PTPN13: variants seen among roughly 807,000 people sequenced by gnomAD.
PTPN13 encodes protein tyrosine phosphatase non-receptor type 13.
In PTPN13, 191 loss-of-function variants were observed where a neutral mutation model predicts 284.0. The ratio of observed to expected loss-of-function variants is 0.67; its 90% CI spans 0.60 to 0.76. PTPN13 has a LOEUF of 0.76. Ranked by LOEUF, PTPN13 falls within the 30% of genes least tolerant of loss-of-function variation. The probability of loss-of-function intolerance (pLI) is 0.00; values close to 1 mark genes in which losing one functional copy is unlikely to be tolerated. For missense variants in PTPN13, 2,797 were observed against 2,939.9 expected (o/e 0.95, Z 1.12); for synonymous variants, 986 against 1,022.3 (o/e 0.96, Z 0.68).
intron 47 of PTPN13, among the ~76,000 whole-genome samples, chr4:86,812,297 G>A (rs969770520): frequency 1.3e-4 from 15 of 118,048 alleles, no homozygotes; most frequent in African/African-American, 3.5e-4. Flanking sequence ...GCGACAGAGC[G>A]AGACTCCGTC....
intron 3 of PTPN13, 42 bp from the exon 4 acceptor site, chr4:86,686,668 G>T: frequency 7.7e-7 from 1 of 1,290,398 alleles, no homozygotes; most frequent in Non-Finnish European, 1.1e-6. Flanking sequence ...ATTTTCTATT[G>T]TATTTTATCA....
intron 1 of PTPN13, among the ~76,000 whole-genome samples, chr4:86,634,503 C>CA (rs1050817027): frequency 3.0e-4 from 45 of 152,262 alleles, no homozygotes; most frequent in African/African-American, 1.0e-3. Context: ...TCAGCACAGA[C>CA]ACTTATCTGA....
At chr4:86,689,779 G>A (rs1729837355) in intron 5 of PTPN13, 1 of 701,676 alleles carries the variant, frequency 1.4e-6, no homozygotes, top group Admixed American at 2.0e-5. Context: ...AATAACCAAT[G>A]CTATATATTA....
At chr4:86,780,515 G>T in intron 36 of PTPN13, 43 bp downstream of exon 36, 2 of 1,341,726 alleles carry the variant, frequency 1.5e-6, no homozygotes, top group South Asian at 1.2e-5. Flanking sequence ...ACGGTAATGG[G>T]AATGTAAAAT....
intron 37 of PTPN13, among the ~76,000 whole-genome samples, chr4:86,782,632 C>T (rs1741448719): frequency 1.3e-5 from 2 of 151,784 alleles, no homozygotes; most frequent in South Asian, 2.1e-4. Context: ...CTATTTTTGG[C>T]GAGTAGTAAC....
chr4:86,637,308 A>T (rs1177251737), intron 2 of PTPN13, among the ~76,000 whole-genome samples: 1 of 152,166 alleles, frequency 6.6e-6, no homozygotes, highest in African/African-American at 2.4e-5. Flanking sequence ...AAAAAGAGGG[A>T]ATCCTCCCTA....
intron 41 of PTPN13, among the ~76,000 whole-genome samples, chr4:86,797,698 T>C (rs1245351488): frequency 1.3e-5 from 2 of 152,058 alleles, no homozygotes; most frequent in Non-Finnish European, 2.9e-5. Context: ...ATGGGTCATT[T>C]ATTTTTCAGT....
intron 1 of PTPN13, among the ~76,000 whole-genome samples, chr4:86,613,471 A>G (rs191851297): frequency 6.6e-6 from 1 of 152,134 alleles, no homozygotes; most frequent in Admixed American, 6.5e-5. Flanking sequence ...CGTGTCTACT[A>G]AAAATACGAA....
chr4:86,792,234 C>T (rs1234352660), intron 40 of PTPN13, among the ~76,000 whole-genome samples: 1 of 151,936 alleles, frequency 6.6e-6, no homozygotes. Context: ...ATCGCCGATT[C>T]GATCAAGTAG....
chr4:86,665,198 C>T lies in PTPN13; in HGVS notation c.116-7167C>T, dbSNP rs189957923. Among the ~76,000 whole-genome samples the T allele has an allele frequency of 6.2e-4, 95 of 152,212 alleles. 2 individuals carry two copies. The highest frequency in any genetic ancestry group is 2.1e-3 in the African/African-American group (86 of 41,540). ...TTCCAGTGGTTGTGGTTTGAGCAAG[C>T]AGCTTGCATGTGTTTAGTCATTTTA... On this transcript the variant is annotated intron_variant, in intron 2 of 47. Transcript: ENST00000411767.
At chr4:86,736,285 T>A (rs1735495117) in intron 15 of PTPN13, among the ~76,000 whole-genome samples, 1 of 152,208 alleles carries the variant, frequency 6.6e-6, no homozygotes, top group Non-Finnish European at 1.5e-5. Context: ...GCTTTCTATA[T>A]GACCTTAGAT....
At chr4:86,674,436 C>G (rs1728054671) in intron 3 of PTPN13, among the ~76,000 whole-genome samples, 1 of 152,132 alleles carries the variant, frequency 6.6e-6, no homozygotes, top group African/African-American at 2.4e-5. Context: ...TTTAAACTGA[C>G]AATCATATTT....
chr4:86,678,555 T>A (rs1336776083), intron 3 of PTPN13, among the ~76,000 whole-genome samples: 1 of 152,250 alleles, frequency 6.6e-6, no homozygotes, highest in Non-Finnish European at 1.5e-5. Flanking sequence ...AGCTACTTAT[T>A]AGATATCTTC....
chr4:86,595,731 C>G, intron 1 of PTPN13: 1 of 985,652 alleles, frequency 1.0e-6, no homozygotes, highest in Non-Finnish European at 1.2e-6. Context: ...GGTTTGTTTT[C>G]AAGGCAGGAC....
chr4:86,642,850 G>C (rs1156835973), intron 2 of PTPN13, among the ~76,000 whole-genome samples: 2 of 152,140 alleles, frequency 1.3e-5, no homozygotes, highest in Non-Finnish European at 2.9e-5. Flanking sequence ...ATGAATTCAT[G>C]TAGGAGCTCA....
chr4:86,639,425 G>C (rs372307430), intron 2 of PTPN13, among the ~76,000 whole-genome samples: 281 of 152,104 alleles, frequency 1.8e-3, no homozygotes, highest in African/African-American at 6.0e-3. Flanking sequence ...TTGGAACCAA[G>C]CCAAATGTCC....
At chr4:86,783,732 C>T (rs1741590748) in intron 37 of PTPN13, among the ~76,000 whole-genome samples, 2 of 151,984 alleles carry the variant, frequency 1.3e-5, no homozygotes, top group South Asian at 2.1e-4. Flanking sequence ...GAGAGCAAAG[C>T]ACAACCTTTT....
chr4:86,752,561 CT>C (rs1737517456), intron 19 of PTPN13, among the ~76,000 whole-genome samples: 1 of 152,126 alleles, frequency 6.6e-6, no homozygotes, highest in African/African-American at 2.4e-5. Context: ...ACATTCTAAA[CT>C]ATTTTCATTA....
rs527684871 is a variant in PTPN13, at chr4:86,778,457, C to T, written c.5892-1945C>T. On this transcript the variant is annotated intron_variant, in intron 35 of 47. Coordinates refer to ENST00000411767, the MANE Select transcript of PTPN13 (RefSeq NM_080683.3). ...ATGATGTATGTGACGCACCTCCCCC[C>T]GCCCACCCAGGCAAAGCAGTGCCTG... Among the ~76,000 whole-genome samples the T allele has an allele frequency of 5.3e-5, 8 of 150,428 alleles. No individual in the cohort carries two copies. In the South Asian group the frequency reaches 6.3e-4, roughly 12 times the overall value.
Sources: gnomAD v4.1 joint callset for allele counts (sites outside exome capture counted in the v4.1 genomes callset) on GRCh38, gnomAD v4.1.1 for gene constraint, MANE v1.5 for transcripts, NCBI Gene and HGNC (gene_info 2026-07-23, HGNC 2026-07-21) for gene names.